The following ACSM6 variants were observed in gnomAD, a reference collection of about 807,000 sequenced individuals.
ACSM6 encodes the protein acyl-CoA synthetase medium chain family member 6, also known as acyl-coenzyme A synthetase ACSM6, mitochondrial.
Under a neutral mutation model 51.1 loss-of-function variants are expected in ACSM6, and 35 were observed. The ratio of observed to expected loss-of-function variants is 0.69; its 90% CI spans 0.52 to 0.91. The LOEUF is 0.91. Ranked by LOEUF, ACSM6 falls within the 40% of genes least tolerant of loss-of-function variation. The pLI is 0.00. For synonymous variants in ACSM6, 172 were observed against 207.3 expected, an observed-to-expected ratio of 0.83 and a Z score of 1.46; for missense variants, 509 against 584.1, an observed-to-expected ratio of 0.87 and a Z score of 1.32.
chr10:95,195,815 T>A (rs994678580), intron 2 of ACSM6, among the ~76,000 whole-genome samples: 3 of 152,178 alleles, frequency 2.0e-5, no homozygotes, highest in Admixed American at 6.5e-5. Flanking sequence ...TGGTGCATCA[T>A]CTAGGGTTAG....
intron 4 of ACSM6, 84 bp downstream of exon 4, chr10:95,207,499 G>C: frequency 1.4e-6 from 2 of 1,407,934 alleles, no homozygotes; most frequent in Non-Finnish European, 2.0e-6. Flanking sequence ...AGTGGTGTGA[G>C]TGGTCAGAAT....
chr10:95,199,048 T>C (rs529333486), intron 2 of ACSM6, among the ~76,000 whole-genome samples: 20 of 152,168 alleles, frequency 1.3e-4, no homozygotes, highest in Non-Finnish European at 2.1e-4. Context: ...GCCAAGTCAA[T>C]CCTAAGCCAA....
chr10:95,214,776 C>T (rs1457177664), intron 7 of ACSM6, 76 bp from the exon 8 acceptor site: 5 of 1,478,398 alleles, frequency 3.4e-6, no homozygotes, highest in South Asian at 1.3e-5. Context: ...ATCATTTTTC[C>T]AAGATTCTTT....
exon 3 of ACSM6, chr10:95,202,152 A>G (rs371778473): frequency 1.2e-4 from 194 of 1,552,126 alleles, no homozygotes; most frequent in Middle Eastern, 6.6e-4. Flanking sequence ...TCTTGCCCCC[A>G]ACACCTGAAG....
At chr10:95,225,683 TTTC>T (rs1564592803) in intron 10 of ACSM6, 3 of 253,480 alleles carry the variant, frequency 1.2e-5, no homozygotes, top group Admixed American at 5.3e-5. Context: ...TAATAAGGAC[TTTC>T]TTCTTAAACA....
chr10:95,207,463 C>T (rs779744019), intron 4 of ACSM6, 48 bp downstream of exon 4: 1 of 1,571,322 alleles, frequency 6.4e-7, no homozygotes, highest in South Asian at 1.1e-5. Flanking sequence ...AAATGTTTGA[C>T]TTTGAAAGAT....
At chr10:95,211,181 G>C (rs2034889635) in intron 5 of ACSM6, among the ~76,000 whole-genome samples, 1 of 152,212 alleles carries the variant, frequency 6.6e-6, no homozygotes, top group South Asian at 2.1e-4. Flanking sequence ...TTGGGTTCTA[G>C]AGTCAGCCTC....
At chr10:95,200,594 AAGAAGAAGG>A (rs1283800565) in intron 2 of ACSM6, among the ~76,000 whole-genome samples, 2 of 114,664 alleles carry the variant, frequency 1.7e-5, no homozygotes, top group African/African-American at 6.4e-5. Flanking sequence ...AAGAAAGAAG[AAGAAGAAGG>A]AGAAGGAGAA....
chr10:95,197,131 T>C (rs1361920831), intron 2 of ACSM6, among the ~76,000 whole-genome samples: 2 of 152,218 alleles, frequency 1.3e-5, no homozygotes, highest in East Asian at 3.8e-4. Context: ...CATACATACA[T>C]AAACTCTTGG....
chr10:95,218,932 G>A (rs945417730), intron 8 of ACSM6, among the ~76,000 whole-genome samples: 25 of 152,300 alleles, frequency 1.6e-4, no homozygotes, highest in African/African-American at 6.0e-4. Flanking sequence ...GTCTCTTTCC[G>A]TGTAAGACAC....
chr10:95,226,137 T>C (rs984985219), intron 10 of ACSM6: 5 of 152,218 alleles, frequency 3.3e-5, no homozygotes, highest in African/African-American at 1.2e-4. Context: ...ATTGTAAAGG[T>C]ACATTTTCCT....
chr10:95,223,220 G>T (rs1221841650), intron 9 of ACSM6, among the ~76,000 whole-genome samples: 1 of 150,556 alleles, frequency 6.6e-6, no homozygotes, highest in East Asian at 1.9e-4. Flanking sequence ...GGCCCAAATG[G>T]CTTTGCGGTG....
chr10:95,228,496 A>G, intron 10 of ACSM6, 148 bp from the exon 11 acceptor site: 1 of 696,174 alleles, frequency 1.4e-6, no homozygotes, highest in Non-Finnish European at 2.1e-6. Context: ...GTGTTTGTTG[A>G]GTTTTCTATG....
intron 4 of ACSM6, among the ~76,000 whole-genome samples, chr10:95,209,527 A>G (rs1248765683): frequency 6.6e-6 from 1 of 152,208 alleles, no homozygotes; most frequent in Non-Finnish European, 1.5e-5. Context: ...GCTGTCGTCC[A>G]GATGAGAGGC....
chr10:95,212,022 G>A (rs1434061054), exon 6 of ACSM6: 2 of 1,613,942 alleles, frequency 1.2e-6, no homozygotes, highest in Non-Finnish European at 1.7e-6. Context: ...TCTGCCCTGA[G>A]ACTGTTCTAA....
intron 2 of ACSM6, chr10:95,201,693 CAGAG>C (rs1431982119): frequency 3.8e-6 from 2 of 528,268 alleles, no homozygotes; most frequent in South Asian, 3.3e-5. Context: ...GATTTATGCC[CAGAG>C]AAATCTCTGC....
chr10:95,219,591 T>A (rs2034975333), intron 8 of ACSM6, among the ~76,000 whole-genome samples: 1 of 152,194 alleles, frequency 6.6e-6, no homozygotes, highest in Non-Finnish European at 1.5e-5. Flanking sequence ...TACCTTCTTT[T>A]TTCCTTGAAT....
chr10:95,223,606 T>C (rs571235131), intron 9 of ACSM6, among the ~76,000 whole-genome samples: 124 of 152,190 alleles, frequency 8.1e-4, no homozygotes, highest in African/African-American at 2.9e-3. Flanking sequence ...AGAAAAATCA[T>C]TGACAAAATC....
At chr10:95,214,941 T>C in exon 8 of ACSM6, 1 of 1,551,602 alleles carries the variant, frequency 6.4e-7, no homozygotes, top group Non-Finnish European at 8.7e-7. Context: ...ATCACTAAGT[T>C]GGACATCTAT....
Sources: gnomAD v4.1 joint callset for allele counts (sites outside exome capture counted in the v4.1 genomes callset) on GRCh38, gnomAD v4.1.1 for gene constraint, MANE v1.5 for transcripts, NCBI Gene and HGNC (gene_info 2026-07-23, HGNC 2026-07-21) for gene names.